The following RAD51B variants were observed in gnomAD, a reference collection of about 807,000 sequenced individuals.
The protein encoded by RAD51B is RAD51 paralog B, also known as DNA repair protein RAD51 homolog 2.
RAD51B carries 38 observed loss-of-function variants against 42.2 expected under a neutral mutation model. The observed-to-expected ratio is 0.90, with a 90% CI of 0.70 to 1.18. The LOEUF is 1.18. Ranked by LOEUF, RAD51B falls within the 50% of genes most tolerant of loss-of-function variation. The pLI, the probability that RAD51B is intolerant of heterozygous loss-of-function variation, is 0.00. For missense variants in RAD51B, 373 were observed against 400.7 expected, an observed-to-expected ratio of 0.93 and a Z score of 0.59; for synonymous variants, 154 against 145.2, an observed-to-expected ratio of 1.06 and a Z score of -0.43.
chr14:68,584,106 C>T (rs762364421), intron 10 of RAD51B, among the ~76,000 whole-genome samples: 1 of 152,186 alleles, frequency 6.6e-6, no homozygotes, highest in Non-Finnish European at 1.5e-5. Flanking sequence ...TTCTGCCCAA[C>T]ACCTCGTGCC....
chr14:68,147,011 C>G (rs143760564), intron 7 of RAD51B, among the ~76,000 whole-genome samples: 2 of 152,174 alleles, frequency 1.3e-5, no homozygotes, highest in East Asian at 3.9e-4. Context: ...GGGATCAGAC[C>G]AGAGGAATTT....
intron 7 of RAD51B, among the ~76,000 whole-genome samples, chr14:67,943,857 A>G (rs942584074): frequency 6.6e-5 from 10 of 152,184 alleles, no homozygotes; most frequent in Admixed American, 3.3e-4. Flanking sequence ...GAAAGCGGGT[A>G]AAATTGTTGC....
At chr14:67,864,506 C>T (rs1278579959) in intron 4 of RAD51B, among the ~76,000 whole-genome samples, 4 of 152,170 alleles carry the variant, frequency 2.6e-5, no homozygotes, top group Non-Finnish European at 4.4e-5. Context: ...GTACCCTTCA[C>T]CCCTAAATAC....
chr14:68,173,945 T>C (rs1258932418), intron 7 of RAD51B, among the ~76,000 whole-genome samples: 1 of 152,180 alleles, frequency 6.6e-6, no homozygotes, highest in Admixed American at 6.5e-5. Flanking sequence ...CACTAGAAAC[T>C]TACTCTGCAG....
At chr14:68,095,193 G>A (rs1240160824) in intron 7 of RAD51B, among the ~76,000 whole-genome samples, 1 of 152,142 alleles carries the variant, frequency 6.6e-6, no homozygotes, top group Non-Finnish European at 1.5e-5. Flanking sequence ...TTAGAAATTA[G>A]ATGAATGAGT....
chr14:68,661,489 C>A (rs1263064675), intron 11 of RAD51B, among the ~76,000 whole-genome samples: 1 of 152,168 alleles, frequency 6.6e-6, no homozygotes, highest in African/African-American at 2.4e-5. Context: ...ATCTGCCAGA[C>A]CCCAAAGCCC....
intron 11 of RAD51B, among the ~76,000 whole-genome samples, chr14:68,656,546 G>A (rs1011724624): frequency 2.6e-5 from 4 of 152,034 alleles, no homozygotes; most frequent in African/African-American, 9.7e-5. Context: ...ACACAGAGCT[G>A]GCCTCTGTGA....
intron 7 of RAD51B, among the ~76,000 whole-genome samples, chr14:68,126,275 C>G (rs2140655293): frequency 6.6e-6 from 1 of 152,262 alleles, no homozygotes; most frequent in East Asian, 1.9e-4. Flanking sequence ...GTTTCCTGAG[C>G]ATGTTTGCTG....
Position 68,563,674 on chromosome 14 carries a change from A to G in RAD51B, c.1037-30811A>G, listed in dbSNP as rs1010326357. The G allele has an allele frequency of 9.1e-6, 9 of 985,344 alleles. No individual in the cohort carries two copies. The African/African-American group carries it at 1.4e-4, about 15-fold the overall frequency. 61.0% of individuals were successfully genotyped at this position (985,344 alleles called of 1,614,324 possible). The stretch of plus-strand genomic sequence containing the variant: ...GTCATGCTTCGGGGGAAGGGCAGAA[A>G]CCAAAATTCCCAGATTGCTCAAATT... On this transcript the variant is annotated intron_variant, in intron 10 of 10. Coordinates refer to the RAD51B transcript ENST00000487270.
intron 10 of RAD51B, among the ~76,000 whole-genome samples, chr14:68,483,265 A>C (rs951650310): frequency 1.3e-5 from 2 of 152,208 alleles, no homozygotes; most frequent in Non-Finnish European, 2.9e-5. Flanking sequence ...TGGGCTTGCA[A>C]ATGTTTCCTT....
At chr14:68,160,248 C>A (rs897989816) in intron 7 of RAD51B, among the ~76,000 whole-genome samples, 3 of 152,178 alleles carry the variant, frequency 2.0e-5, no homozygotes, top group African/African-American at 7.2e-5. Context: ...TCTTAATAAT[C>A]ATCTGGTATA....
intron 7 of RAD51B, among the ~76,000 whole-genome samples, chr14:68,116,346 T>TAAAAAA (rs59572940): frequency 7.4e-6 from 1 of 135,264 alleles, no homozygotes; most frequent in Non-Finnish European, 1.6e-5. Flanking sequence ...TTTAAAAGGT[T>TAAAAAA]AAAAAAAAAA....
At chr14:67,863,928 A>T (rs1051289393) in intron 4 of RAD51B, among the ~76,000 whole-genome samples, 2 of 152,190 alleles carry the variant, frequency 1.3e-5, no homozygotes, top group African/African-American at 4.8e-5. Flanking sequence ...CAGGAAACTT[A>T]CAGGGGAAGC....
intron 10 of RAD51B, chr14:68,497,098 C>T (rs1050747042): frequency 6.6e-6 from 9 of 1,369,292 alleles, no homozygotes; most frequent in Non-Finnish European, 7.8e-6. Context: ...GGTATCTTGA[C>T]ACTCATGTTC....
chr14:68,301,104 G>A (rs1201733606), intron 8 of RAD51B, among the ~76,000 whole-genome samples: 1 of 152,092 alleles, frequency 6.6e-6, no homozygotes, highest in African/African-American at 2.4e-5. Flanking sequence ...TTTAATAGAA[G>A]GCCTTTTTAG....
intron 7 of RAD51B, among the ~76,000 whole-genome samples, chr14:68,156,784 T>A (rs1384976749): frequency 6.6e-6 from 1 of 152,042 alleles, no homozygotes; most frequent in African/African-American, 2.4e-5. Flanking sequence ...CCTTGGTAAA[T>A]TTTTTTTCTT....
At chr14:67,876,618 T>C (rs2042735917) in intron 5 of RAD51B, among the ~76,000 whole-genome samples, 2 of 152,216 alleles carry the variant, frequency 1.3e-5, no homozygotes, top group Admixed American at 6.6e-5. Context: ...AAATGTGGCC[T>C]AGAACTTCTT....
intron 7 of RAD51B, among the ~76,000 whole-genome samples, chr14:67,905,702 T>C (rs1393074460): frequency 1.3e-5 from 2 of 152,130 alleles, no homozygotes; most frequent in Non-Finnish European, 2.9e-5. Flanking sequence ...ATTATTGATT[T>C]GACTCTCAGC....
chr14:67,976,206 T>A, intron 7 of RAD51B, among the ~76,000 whole-genome samples: 1 of 151,826 alleles, frequency 6.6e-6, no homozygotes. Flanking sequence ...AGCCTGGACC[T>A]CCTGGGCTCA....
Sources: gnomAD v4.1 joint callset for allele counts (sites outside exome capture counted in the v4.1 genomes callset) on GRCh38, gnomAD v4.1.1 for gene constraint, MANE v1.5 for transcripts, NCBI Gene and HGNC (gene_info 2026-07-23, HGNC 2026-07-21) for gene names.